The following ADARB2 variants were observed in gnomAD, a reference collection of about 807,000 sequenced individuals.
The protein encoded by ADARB2 is inactive double-stranded RNA-specific editase B2.
A neutral mutation model predicts 62.2 loss-of-function variants in ADARB2; 25 were observed. The observed-to-expected ratio is 0.40, with a 90% CI of 0.29 to 0.56. The LOEUF (loss-of-function observed/expected upper bound fraction) is 0.56. Ranked by LOEUF, ADARB2 falls within the 20% of genes least tolerant of loss-of-function variation. The probability of loss-of-function intolerance (pLI) is 0.43; values close to 1 mark genes in which losing one functional copy is unlikely to be tolerated. For missense variants in ADARB2, 1,071 were observed against 1,077.4 expected (o/e 0.99, Z 0.08); for synonymous variants, 572 against 500.8 (o/e 1.14, Z -1.90).
chr10:1,527,992 G>A (rs560754430), intron 1 of ADARB2, among the ~76,000 whole-genome samples: 1 of 152,310 alleles, frequency 6.6e-6, no homozygotes, highest in South Asian at 2.1e-4. Flanking sequence ...AAAAATGCCA[G>A]GCTGATATAT....
chr10:1,446,708 ATCTC>A (rs1006202789), intron 1 of ADARB2, among the ~76,000 whole-genome samples: 1 of 152,218 alleles, frequency 6.6e-6, no homozygotes, highest in Non-Finnish European at 1.5e-5. Flanking sequence ...ATAATTTTTC[ATCTC>A]TCTTACAGTG....
intron 4 of ADARB2, among the ~76,000 whole-genome samples, chr10:1,260,255 CCT>C (rs1831123203): frequency 6.6e-6 from 1 of 152,076 alleles, no homozygotes; most frequent in African/African-American, 2.4e-5. Flanking sequence ...ACAGGGATGC[CCT>C]CTCTCACCAC....
intron 1 of ADARB2, among the ~76,000 whole-genome samples, chr10:1,483,411 C>G (rs966718716): frequency 6.6e-6 from 1 of 152,222 alleles, no homozygotes; most frequent in Non-Finnish European, 1.5e-5. Context: ...TGAACGACAA[C>G]TTTACAGTTC....
intron 1 of ADARB2, among the ~76,000 whole-genome samples, chr10:1,466,766 G>C (rs1831260309): frequency 6.6e-6 from 1 of 152,206 alleles, no homozygotes; most frequent in African/African-American, 2.4e-5. Context: ...GGAAGACTGT[G>C]GCACCTGGAA....
At chr10:1,434,946 A>G (rs1830817826) in intron 1 of ADARB2, among the ~76,000 whole-genome samples, 1 of 152,230 alleles carries the variant, frequency 6.6e-6, no homozygotes, top group Non-Finnish European at 1.5e-5. Flanking sequence ...GTTCATCTGC[A>G]TCTCGTTATT....
intron 3 of ADARB2, among the ~76,000 whole-genome samples, chr10:1,296,538 G>A (rs887745686): frequency 3.9e-5 from 6 of 152,160 alleles, no homozygotes; most frequent in Non-Finnish European, 7.4e-5. Flanking sequence ...TGGTGCATGG[G>A]AGTCTTCCTG....
At chr10:1,394,110 G>A (rs537326680) in intron 1 of ADARB2, among the ~76,000 whole-genome samples, 88 of 152,304 alleles carry the variant, frequency 5.8e-4, no homozygotes, top group African/African-American at 1.1e-3. Flanking sequence ...GCCATCCCAC[G>A]TATGAAAGAA....
In ADARB2 at chr10:1,381,633, A is replaced by T. The variant is rs534211773; in HGVS notation, c.101-2473T>A. ...TGAGTGGATAAGTGAAATGCGGTAC[A>T]GCCAAGCAACAGATTAGGCAGCCTT... On this transcript the variant is annotated intron_variant, in intron 1 of 9. Transcript: ENST00000381312. Among the ~76,000 whole-genome samples, 45 of 152,380 alleles carry T rather than the reference A, an allele frequency of 3.0e-4. 1 individual carries two copies. In the South Asian group the frequency reaches 4.6e-3, roughly 15 times the overall value.
At chr10:1,300,493 C>T (rs1831563649) in intron 3 of ADARB2, among the ~76,000 whole-genome samples, 1 of 152,214 alleles carries the variant, frequency 6.6e-6, no homozygotes, top group African/African-American at 2.4e-5. Context: ...CTAATCAATT[C>T]CCCCCATGTG....
intron 1 of ADARB2, among the ~76,000 whole-genome samples, chr10:1,645,510 G>T (rs1424268893): frequency 6.6e-6 from 1 of 152,224 alleles, no homozygotes; most frequent in East Asian, 1.9e-4. Flanking sequence ...AAGTTTGCAA[G>T]AAGCAGCATC....
chr10:1,307,045 C>T (rs2131820704), intron 3 of ADARB2, among the ~76,000 whole-genome samples: 2 of 113,022 alleles, frequency 1.8e-5, no homozygotes, highest in Admixed American at 2.1e-4. Flanking sequence ...GTCTAAAACA[C>T]CAAAAGCAAT....
intron 6 of ADARB2, among the ~76,000 whole-genome samples, chr10:1,218,055 GT>G (rs1830647962): frequency 6.6e-6 from 1 of 151,226 alleles, no homozygotes; most frequent in East Asian, 2.0e-4. Flanking sequence ...GTATGTTTTT[GT>G]TTTGTTTTGT....
intron 3 of ADARB2, among the ~76,000 whole-genome samples, chr10:1,284,415 C>G (rs765894889): frequency 6.6e-6 from 1 of 152,140 alleles, no homozygotes; most frequent in Non-Finnish European, 1.5e-5. Context: ...TGAGGATGCT[C>G]TCAGGGCTAG....
chr10:1,205,129 C>T (rs894766859), intron 7 of ADARB2, among the ~76,000 whole-genome samples: 1 of 152,182 alleles, frequency 6.6e-6, no homozygotes, highest in Non-Finnish European at 1.5e-5. Context: ...TCCAGGGCCT[C>T]CAACCGCCCC....
chr10:1,527,372 T>C (rs565027761), intron 1 of ADARB2, among the ~76,000 whole-genome samples: 97 of 152,354 alleles, frequency 6.4e-4, no homozygotes, highest in African/African-American at 2.2e-3. Context: ...TGCCTAGGAT[T>C]CTGTTTTGAT....
At chr10:1,410,806 C>A (rs571848405) in intron 1 of ADARB2, among the ~76,000 whole-genome samples, 41 of 152,310 alleles carry the variant, frequency 2.7e-4, no homozygotes, top group African/African-American at 8.4e-4. Flanking sequence ...AACAAGCGAA[C>A]CTTCTTCCAC....
chr10:1,435,628 A>G (rs1479419228), intron 1 of ADARB2, among the ~76,000 whole-genome samples: 1 of 149,482 alleles, frequency 6.7e-6, no homozygotes, highest in Non-Finnish European at 1.5e-5. Flanking sequence ...CTCTCCTTCC[A>G]CTTCCTGGGC....
At chr10:1,603,831 T>C (rs2132016486) in intron 1 of ADARB2, among the ~76,000 whole-genome samples, 1 of 151,790 alleles carries the variant, frequency 6.6e-6, no homozygotes, top group East Asian at 1.9e-4. Flanking sequence ...TGAGACAGAG[T>C]TTTACTCTGT....
chr10:1,558,663 C>T (rs1564330184), intron 1 of ADARB2, among the ~76,000 whole-genome samples: 1 of 129,454 alleles, frequency 7.7e-6, no homozygotes, highest in Non-Finnish European at 1.7e-5. Context: ...GTGCTCAGCA[C>T]CCCCATGCCC....
Sources: allele counts gnomAD v4.1 joint callset (sites outside exome capture counted in the v4.1 genomes callset), GRCh38; gene constraint gnomAD v4.1.1; transcripts MANE v1.5; gene names NCBI Gene and HGNC (gene_info 2026-07-23, HGNC 2026-07-21).